EXOC5: variants seen among roughly 807,000 people sequenced by gnomAD.
The protein encoded by EXOC5 is exocyst complex component 5, also known as SEC10-like 1.
EXOC5 carries 17 observed loss-of-function variants against 90.8 expected under a neutral mutation model. The observed-to-expected ratio is 0.19, with a 90% CI of 0.13 to 0.28. The LOEUF (loss-of-function observed/expected upper bound fraction) is 0.28, where lower values mean the gene tolerates loss of function less well. Among genes scored for constraint, EXOC5 ranks in the 10% least tolerant of loss-of-function variants. EXOC5 has a pLI of 1.00. For missense variants in EXOC5, 569 were observed against 830.6 expected, an observed-to-expected ratio of 0.69 and a Z score of 3.87; for synonymous variants, 260 against 270.0, an observed-to-expected ratio of 0.96 and a Z score of 0.36.
At chr14:57,220,589 C>CTGAGGAGGG (rs1285924163) in intron 13 of EXOC5, among the ~76,000 whole-genome samples, 1 of 151,764 alleles carries the variant, frequency 6.6e-6, no homozygotes, top group Non-Finnish European at 1.5e-5. Context: ...CGCTTGGAGC[C>CTGAGGAGGG]AAGAGTTCAA....
chr14:57,268,427 T>A, intron 1 of EXOC5, 195 bp downstream of exon 1: 1 of 1,433,514 alleles, frequency 7.0e-7, no homozygotes, highest in Non-Finnish European at 9.2e-7. Flanking sequence ...CCAGCCCACC[T>A]CGGCCCCAAG....
rs912373732 is a variant in EXOC5 at position 57,208,431 on chromosome 14, A to G, written c.*178T>C. On this transcript the variant is annotated 3_prime_UTR_variant, in exon 18 of 18. Transcript: ENST00000621441. Reference sequence around the variant, plus strand: ...AAGCAAAATATAGCTAGTGGTATCCAAACTTTAAATAAAACCTCAAAGGTA... The same window carrying G: ...AAGCAAAATATAGCTAGTGGTATCCGAACTTTAAATAAAACCTCAAAGGTA... 29 of 443,850 alleles carry G rather than the reference A, an allele frequency of 6.5e-5. No homozygotes were observed. The highest frequency in any genetic ancestry group is 1.0e-4 in the Non-Finnish European group (26 of 250,450). 27.5% of individuals were successfully genotyped at this position (443,850 alleles called of 1,614,324 possible). A position where few individuals can be genotyped will look rare whatever the true frequency, so the allele number is the denominator to read the frequency against.
Position 57,229,893 on chromosome 14 carries a change from TA to T in EXOC5, c.1149-13del. The T allele has an allele frequency of 7.4e-7, 1 of 1,356,104 alleles. No individual in the cohort carries two copies. Among genetic ancestry groups the T allele is most frequent in the Non-Finnish European group, 9.7e-7 (1 of 1,026,792 alleles). The allele number at this position is 1,356,104 out of a possible 1,614,324, so 84.0% of individuals were successfully genotyped here. A position where few individuals can be genotyped will look rare whatever the true frequency, so the allele number is the denominator to read the frequency against. On this transcript the variant is annotated splice_polypyrimidine_tract_variant and intron_variant, in intron 11 of 17. Transcript: ENST00000621441. ...TCAAATCTTGAATACTAGTACATCA[TA>T]AAGACAAATGAAAAAAAGAAAACAT...
chr14:57,247,360 TTA>T (rs1181633267), intron 2 of EXOC5, among the ~76,000 whole-genome samples: 3 of 152,156 alleles, frequency 2.0e-5, no homozygotes, highest in Non-Finnish European at 4.4e-5. Context: ...CATTTCTAGT[TTA>T]TGACTCATTA....
rs112420100 is a variant in EXOC5, at chr14:57,238,706, G to C, written c.530+889C>G. The stretch of plus-strand genomic sequence containing the variant: ...CTAATTCTTCATGATAATCAGAGTT[G>C]AGAATAAAATAGATACATTTTTAGG... On this transcript the variant is annotated intron_variant, in intron 5 of 17. Transcript: ENST00000621441. 5.3e-5 allele frequency among the ~76,000 whole-genome samples: 8 copies of C among 152,032 alleles called. 1 individual carries two copies. Among genetic ancestry groups the C allele is most frequent in the African/African-American group, 1.4e-4 (6 of 41,534 alleles).
chr14:57,222,808 CAT>C (rs1883192160), intron 12 of EXOC5, among the ~76,000 whole-genome samples: 1 of 151,296 alleles, frequency 6.6e-6, no homozygotes, highest in Non-Finnish European at 1.5e-5. Context: ...TACACACACA[CAT>C]ACATACATAC....
intron 1 of EXOC5, among the ~76,000 whole-genome samples, chr14:57,267,704 A>C (rs567277663): frequency 6.6e-6 from 1 of 152,216 alleles, no homozygotes; most frequent in South Asian, 2.1e-4. Flanking sequence ...TTCCTATTCT[A>C]TTATCTCAAA....
intron 1 of EXOC5, among the ~76,000 whole-genome samples, chr14:57,249,287 T>C (rs1015480491): frequency 3.3e-5 from 5 of 152,140 alleles, no homozygotes; most frequent in Non-Finnish European, 7.4e-5. Context: ...AAACTTCATA[T>C]AGTAATCATA....
In EXOC5 at chr14:57,208,813, A is replaced by G. The variant is rs1285444613; in HGVS notation, c.1939-16T>C. ...CCATTGGAATCTGAATTGAGAGAAGAAAAAAAGTAACATTGAAACAAAACA... is the reference window on the plus strand; with the variant it reads ...CCATTGGAATCTGAATTGAGAGAAGGAAAAAAGTAACATTGAAACAAAACA... On this transcript the variant is annotated splice_polypyrimidine_tract_variant and intron_variant, in intron 17 of 17. Transcript: ENST00000621441. 1 of 1,512,002 alleles carries G rather than the reference A, an allele frequency of 6.6e-7. No individual in the cohort carries two copies. The highest frequency in any genetic ancestry group is 9.0e-7 in the Non-Finnish European group (1 of 1,106,208). 93.7% of individuals were successfully genotyped at this position (1,512,002 alleles called of 1,614,324 possible).
At chr14:57,244,784 G>A (rs1363743127) in intron 3 of EXOC5, among the ~76,000 whole-genome samples, 1 of 152,122 alleles carries the variant, frequency 6.6e-6, no homozygotes, top group Non-Finnish European at 1.5e-5. Flanking sequence ...ATCACTTGAG[G>A]TCAGGAGTTC....
At chr14:57,249,835 G>C (rs932851039) in intron 1 of EXOC5, among the ~76,000 whole-genome samples, 1 of 152,078 alleles carries the variant, frequency 6.6e-6, no homozygotes, top group South Asian at 2.1e-4. Flanking sequence ...GCAGTGGCAT[G>C]ATCTCGGCTC....
chr14:57,253,547 C>G (rs1287484252), intron 1 of EXOC5, among the ~76,000 whole-genome samples: 1 of 152,126 alleles, frequency 6.6e-6, no homozygotes, highest in African/African-American at 2.4e-5. Context: ...CCCCGAAGAG[C>G]ACAAAACAAT....
At position 57,268,674 on chromosome 14, in the gene EXOC5, C is replaced by G. The variant is rs565273999; in HGVS notation, c.-26G>C. The stretch of plus-strand genomic sequence containing the variant: ...CCCGGCCGGCTGAGAGGCTCGCCCC[C>G]CACTGGATGCCGTCTCCGCTTCACA... On this transcript the variant is annotated 5_prime_UTR_variant, in exon 1 of 18. Transcript: ENST00000621441. 408 of 1,574,966 alleles carry G rather than the reference C, an allele frequency of 2.6e-4. 1 individual carries two copies. Among genetic ancestry groups the G allele is most frequent in the East Asian group, 3.3e-4 (14 of 42,822 alleles).
intron 13 of EXOC5, among the ~76,000 whole-genome samples, chr14:57,221,722 G>A (rs898311263): frequency 2.0e-5 from 3 of 152,074 alleles, no homozygotes; most frequent in Non-Finnish European, 4.4e-5. Context: ...TATTGGTAAC[G>A]CCTTTTAATG....
At chr14:57,245,506 T>C (rs1884007752) in intron 3 of EXOC5, among the ~76,000 whole-genome samples, 1 of 152,232 alleles carries the variant, frequency 6.6e-6, no homozygotes, top group Admixed American at 6.5e-5. Context: ...TCCCAGAGTT[T>C]ATTAGCTTAA....
chr14:57,220,501 A>C (rs759308931), intron 13 of EXOC5, among the ~76,000 whole-genome samples: 20 of 152,166 alleles, frequency 1.3e-4, no homozygotes, highest in Admixed American at 2.6e-4. Flanking sequence ...CAGCGGCATA[A>C]GTTACTGGGA....
chr14:57,222,226 A>G, intron 13 of EXOC5, 82 bp downstream of exon 13: 2 of 648,560 alleles, frequency 3.1e-6, no homozygotes, highest in Non-Finnish European at 2.6e-6. Context: ...AGAGATGATT[A>G]TAAGCAAAAC....
chr14:57,245,421 C>T (rs372014654), intron 3 of EXOC5, among the ~76,000 whole-genome samples: 6 of 152,146 alleles, frequency 3.9e-5, no homozygotes, highest in East Asian at 1.9e-4. Flanking sequence ...AAACCTGAGC[C>T]ATGAAAAGGT....
In EXOC5 at chr14:57,201,572, A is replaced by T. The variant is rs1035577448; in HGVS notation, c.*7037T>A. 1.3e-5 allele frequency: 1 copy of T among 77,148 alleles called. No homozygotes were observed. Among genetic ancestry groups the T allele is most frequent in the African/African-American group, 3.4e-4 (1 of 2,904 alleles). 4.8% of individuals were successfully genotyped at this position (77,148 alleles called of 1,614,324 possible). On this transcript the variant is annotated 3_prime_UTR_variant, in exon 18 of 18. Coordinates refer to ENST00000621441, the MANE Select transcript of EXOC5 (RefSeq NM_006544.4). ...ATATTTTTATATATATTAATATTAT[A>T]TATATATATATATATATATATATAA... is the stretch of plus-strand genomic sequence containing the variant.
Sources: gnomAD v4.1 joint callset for allele counts (sites outside exome capture counted in the v4.1 genomes callset) on GRCh38, gnomAD v4.1.1 for gene constraint, MANE v1.5 for transcripts, NCBI Gene and HGNC (gene_info 2026-07-23, HGNC 2026-07-21) for gene names.